The following SPACA1 variants were observed in gnomAD, a reference collection of about 807,000 sequenced individuals.
The protein encoded by SPACA1 is sperm acrosome membrane-associated protein 1.
Under a neutral mutation model 32.6 loss-of-function variants are expected in SPACA1, and 17 were observed. The ratio of observed to expected loss-of-function variants is 0.52; its 90% CI spans 0.36 to 0.78. SPACA1 has a LOEUF of 0.78. Ranked by LOEUF, SPACA1 falls within the 30% of genes least tolerant of loss-of-function variation. SPACA1 has a pLI of 0.01. For synonymous variants in SPACA1, 140 were observed against 138.1 expected, an observed-to-expected ratio of 1.01 and a Z score of -0.10; for missense variants, 363 against 373.4, an observed-to-expected ratio of 0.97 and a Z score of 0.23.
intron 3 of SPACA1, 34 bp downstream of exon 3, chr6:88,057,747 G>C: frequency 6.3e-7 from 1 of 1,575,394 alleles, no homozygotes; most frequent in Non-Finnish European, 8.7e-7. Flanking sequence ...GGAGACTGTG[G>C]GCAAGAGTTT....
chr6:88,064,278 T>G, intron 6 of SPACA1, 59 bp downstream of exon 6: 1 of 1,545,012 alleles, frequency 6.5e-7, no homozygotes. Flanking sequence ...TTCCCCCTCC[T>G]CATCCAGTGA....
At chr6:88,060,544 T>A (rs977446030) in intron 5 of SPACA1, among the ~76,000 whole-genome samples, 1 of 152,212 alleles carries the variant, frequency 6.6e-6, no homozygotes, top group Non-Finnish European at 1.5e-5. Flanking sequence ...AGGGTGATTT[T>A]AAAAAATAAA....
chr6:88,053,913 A>G (rs776934221), intron 1 of SPACA1, 33 bp from the exon 2 acceptor site: 66 of 1,590,958 alleles, frequency 4.1e-5, no homozygotes, highest in Non-Finnish European at 5.0e-5. Context: ...TTTTCATATA[A>G]TTAAATAATG....
At chr6:88,063,970 A>G in intron 5 of SPACA1, 129 bp from the exon 6 acceptor site, 1 of 1,021,996 alleles carries the variant, frequency 9.8e-7, no homozygotes, top group Non-Finnish European at 1.3e-6. Context: ...CAAGATCATT[A>G]ATAATTTTCT....
rs1435169207 is a variant in SPACA1, at chr6:88,057,672, T to C, written c.326T>C (p.Val109Ala). ...NGCPGGESKC[V>A]VRVEECRGPT... ...TGCCCTGGTGGTGAATCCAAGTGTG[T>C]TGTACGGGTAGAAGAATGCCGTGGA... The change falls in exon 3 of 7, where the codon GTT (valine) becomes GCT (alanine). Residue 109 changes from valine (V) to alanine (A), a missense_variant. Val to Ala is a moderately conservative substitution (Grantham distance 64). Transcript: ENST00000237201. 3.1e-6 allele frequency: 5 copies of C among 1,614,102 alleles called. No homozygotes were observed. The East Asian group carries it at 1.1e-4, about 36-fold the overall frequency.
At chr6:88,063,993 T>C in intron 5 of SPACA1, 106 bp from the exon 6 acceptor site, 6 of 1,300,040 alleles carry the variant, frequency 4.6e-6, no homozygotes, top group Non-Finnish European at 6.2e-6. Flanking sequence ...GCACTAAGCA[T>C]TTCTTTATGT....
At chr6:88,053,921 A>T (rs375256714) in intron 1 of SPACA1, 25 bp from the exon 2 acceptor site, 37 of 1,601,498 alleles carry the variant, frequency 2.3e-5, no homozygotes, top group Non-Finnish European at 3.1e-5. Flanking sequence ...TAATTAAATA[A>T]TGTATCTTTA....
chr6:88,064,713 T>C (rs1775951476), intron 6 of SPACA1, among the ~76,000 whole-genome samples: 1 of 150,190 alleles, frequency 6.7e-6, no homozygotes. Context: ...AGAGAAGAGG[T>C]AATATATATG....
intron 1 of SPACA1, among the ~76,000 whole-genome samples, chr6:88,049,912 CTTGTA>C (rs1486280071): frequency 1.3e-5 from 2 of 152,086 alleles, no homozygotes; most frequent in Admixed American, 6.5e-5. Context: ...TCTTTTTGCA[CTTGTA>C]TTGTCAAAAA....
intron 2 of SPACA1, among the ~76,000 whole-genome samples, chr6:88,054,438 T>C (rs1775776922): frequency 6.6e-6 from 1 of 152,202 alleles, no homozygotes; most frequent in Non-Finnish European, 1.5e-5. Flanking sequence ...AGAAAAGATG[T>C]ATTGGCTTTG....
At chr6:88,051,417 G>C (rs988441854) in intron 1 of SPACA1, among the ~76,000 whole-genome samples, 2 of 152,126 alleles carry the variant, frequency 1.3e-5, no homozygotes, top group Non-Finnish European at 2.9e-5. Flanking sequence ...CAAATCAACT[G>C]TCAGAAACTG....
chr6:88,060,493 C>A (rs991659809), intron 5 of SPACA1, among the ~76,000 whole-genome samples: 1 of 152,112 alleles, frequency 6.6e-6, no homozygotes, highest in Non-Finnish European at 1.5e-5. Context: ...TACCGCACAA[C>A]GTAACCATTT....
intron 1 of SPACA1, among the ~76,000 whole-genome samples, chr6:88,051,504 G>A (rs925510841): frequency 2.0e-5 from 3 of 152,146 alleles, no homozygotes; most frequent in Non-Finnish European, 2.9e-5. Context: ...AACATTTCAG[G>A]ATCTGGCCAC....
At position 88,066,392 on chromosome 6, in the gene SPACA1, A is replaced by G; in HGVS notation, c.*57A>G. 1 of 1,438,582 alleles carries G rather than the reference A, an allele frequency of 7.0e-7. No individual in the cohort carries two copies. Among genetic ancestry groups the G allele is most frequent in the Non-Finnish European group, 9.3e-7 (1 of 1,076,922 alleles). The allele number at this position is 1,438,582 out of a possible 1,614,324, so 89.1% of individuals were successfully genotyped here. A position where few individuals can be genotyped will look rare whatever the true frequency, so the allele number is the denominator to read the frequency against. The stretch of plus-strand genomic sequence containing the variant: ...ATTACAGAATATTAGATTCATTATT[A>G]CAAAAATAAAATACACATTGAAATA... On this transcript the variant is annotated 3_prime_UTR_variant, in exon 7 of 7. Transcript: ENST00000237201.
At chr6:88,064,712 G>T (rs1775951428) in intron 6 of SPACA1, among the ~76,000 whole-genome samples, 1 of 149,688 alleles carries the variant, frequency 6.7e-6, no homozygotes, top group Non-Finnish European at 1.5e-5. Context: ...TAGAGAAGAG[G>T]TAATATATAT....
At chr6:88,061,999 T>C (rs1029218774) in intron 5 of SPACA1, among the ~76,000 whole-genome samples, 2 of 152,214 alleles carry the variant, frequency 1.3e-5, no homozygotes, top group African/African-American at 4.8e-5. Flanking sequence ...GAAATTTGCA[T>C]TTCTCCTTGT....
rs1775701455 is a variant in SPACA1 at position 88,049,756 on chromosome 6, G to A, written c.208+1643G>A. On this transcript the variant is annotated intron_variant, in intron 1 of 6. Transcript: ENST00000237201. ...TTCCATATATCCTAGTTTTGAAGGT[G>A]TATGTACTCTAACTGGGCAAAGTAC... 2.0e-5 allele frequency among the ~76,000 whole-genome samples: 3 copies of A among 152,276 alleles called. No individual in the cohort carries two copies. The South Asian group carries it at 6.2e-4, about 32-fold the overall frequency.
chr6:88,060,679 G>T (rs1775879504), intron 5 of SPACA1, among the ~76,000 whole-genome samples: 1 of 152,102 alleles, frequency 6.6e-6, no homozygotes, highest in Non-Finnish European at 1.5e-5. Flanking sequence ...TTTCAATAAA[G>T]CTCTAAAAAA....
intron 1 of SPACA1, among the ~76,000 whole-genome samples, chr6:88,049,831 T>G (rs1775702472): frequency 1.3e-5 from 2 of 152,204 alleles, no homozygotes; most frequent in Admixed American, 6.5e-5. Context: ...TGGAATGCAT[T>G]CATCATGTTA....
Sources: allele counts gnomAD v4.1 joint callset (sites outside exome capture counted in the v4.1 genomes callset), GRCh38; gene constraint gnomAD v4.1.1; transcripts MANE v1.5; gene names NCBI Gene and HGNC (gene_info 2026-07-23, HGNC 2026-07-21).